Variants in LINGO2 observed in about 807,000 individuals in gnomAD.
The protein encoded by LINGO2 is leucine rich repeat and Ig domain containing 2.
LINGO2 carries 14 observed loss-of-function variants against 30.6 expected under a neutral mutation model. The observed-to-expected ratio is 0.46, with a 90% CI of 0.30 to 0.72. The LOEUF (loss-of-function observed/expected upper bound fraction) is 0.72, where lower values mean the gene tolerates loss of function less well. LINGO2 is among the 30% of genes least tolerant of loss of function. The pLI is 0.07. For synonymous variants in LINGO2, 317 were observed against 288.5 expected (o/e 1.10, Z -1.00); for missense variants, 729 against 751.7 (o/e 0.97, Z 0.35).
chr9:28,219,111 A>G (rs1364073916), intron 4 of LINGO2, among the ~76,000 whole-genome samples: 1 of 152,080 alleles, frequency 6.6e-6, no homozygotes, highest in Non-Finnish European at 1.5e-5. Context: ...GGACAACTTG[A>G]CCCTATGAAT....
chr9:28,196,265 C>G (rs1458322248), intron 4 of LINGO2, among the ~76,000 whole-genome samples: 2 of 150,944 alleles, frequency 1.3e-5, no homozygotes, highest in Non-Finnish European at 3.0e-5. Flanking sequence ...TGGTACTGGA[C>G]AAGAGAAGAA....
At chr9:28,518,840 T>C (rs1180620627) in intron 1 of LINGO2, among the ~76,000 whole-genome samples, 1 of 152,216 alleles carries the variant, frequency 6.6e-6, no homozygotes, top group African/African-American at 2.4e-5. Flanking sequence ...GTTTATCTTA[T>C]GTCAGTTTAA....
intron 1 of LINGO2, among the ~76,000 whole-genome samples, chr9:28,576,405 CGT>C (rs112573225): frequency 1.3e-5 from 2 of 151,792 alleles, no homozygotes; most frequent in African/African-American, 2.4e-5. Flanking sequence ...CCAAGGATTG[CGT>C]GTGTGTGTGT....
intron 2 of LINGO2, among the ~76,000 whole-genome samples, chr9:28,419,578 A>T (rs1026245507): frequency 6.8e-6 from 1 of 147,834 alleles, no homozygotes; most frequent in Non-Finnish European, 1.5e-5. Context: ...CTCCTATAAG[A>T]ACAAAGAAAC....
chr9:28,306,678 C>G (rs1824372610), intron 3 of LINGO2, among the ~76,000 whole-genome samples: 1 of 152,118 alleles, frequency 6.6e-6, no homozygotes, highest in African/African-American at 2.4e-5. Context: ...TGATAGACCG[C>G]TAGCAAGACT....
the LINGO2 span, among the ~76,000 whole-genome samples, chr9:28,836,212 G>A: frequency 6.6e-6 from 1 of 152,210 alleles, no homozygotes; most frequent in Non-Finnish European, 1.5e-5. Flanking sequence ...GACGGGAAAT[G>A]TTCTGCAGGA....
chr9:27,985,879 T>C (rs1821100434), intron 5 of LINGO2, among the ~76,000 whole-genome samples: 1 of 151,726 alleles, frequency 6.6e-6, no homozygotes, highest in Admixed American at 6.6e-5. Flanking sequence ...GATGGTAAAA[T>C]CAAACGGAAC....
chr9:29,014,610 A>T, the LINGO2 span, among the ~76,000 whole-genome samples: 1 of 152,198 alleles, frequency 6.6e-6, no homozygotes, highest in Non-Finnish European at 1.5e-5. Flanking sequence ...CCCAGTTAAT[A>T]TGGCCTAGAC....
intron 2 of LINGO2, among the ~76,000 whole-genome samples, chr9:28,453,741 T>C (rs761845263): frequency 1.1e-4 from 17 of 151,970 alleles, no homozygotes; most frequent in Admixed American, 1.3e-4. Context: ...CTCCTTTTGC[T>C]CAAGATCTTT....
At chr9:28,456,816 C>G (rs1824869297) in intron 2 of LINGO2, among the ~76,000 whole-genome samples, 1 of 152,150 alleles carries the variant, frequency 6.6e-6, no homozygotes, top group African/African-American at 2.4e-5. Context: ...GGAGAAAACT[C>G]TTGTGTCGTT....
At chr9:29,144,463 A>T in the LINGO2 span, among the ~76,000 whole-genome samples, 1 of 152,112 alleles carries the variant, frequency 6.6e-6, no homozygotes, top group African/African-American at 2.4e-5. Flanking sequence ...TTTTGGAAAA[A>T]AAAATATACT....
chr9:28,251,557 A>G (rs1424741800), intron 4 of LINGO2, among the ~76,000 whole-genome samples: 1 of 152,288 alleles, frequency 6.6e-6, no homozygotes. Flanking sequence ...ACAAAAGGGT[A>G]GAATTTCTTT....
At chr9:28,881,496 T>G in the LINGO2 span, among the ~76,000 whole-genome samples, 1 of 152,118 alleles carries the variant, frequency 6.6e-6, no homozygotes, top group South Asian at 2.1e-4. Flanking sequence ...CATTTTAATT[T>G]TCAAAAATAC....
chr9:28,879,988 T>C, the LINGO2 span, among the ~76,000 whole-genome samples: 1,764 of 152,354 alleles, frequency 0.012, 19 homozygotes, highest in Non-Finnish European at 0.018. Context: ...AAGAATGCCA[T>C]TGAACTTAAA....
At chr9:29,083,183 C>G in the LINGO2 span, among the ~76,000 whole-genome samples, 41 of 152,102 alleles carry the variant, frequency 2.7e-4, no homozygotes, top group Admixed American at 3.9e-4. Context: ...GGAACCAACC[C>G]AAATGTCCAT....
chr9:28,692,901 CT>C, the LINGO2 span, among the ~76,000 whole-genome samples: 1 of 151,978 alleles, frequency 6.6e-6, no homozygotes, highest in African/African-American at 2.4e-5. Flanking sequence ...CATGTTGTAT[CT>C]TTTCTACAAC....
the LINGO2 span, among the ~76,000 whole-genome samples, chr9:28,876,692 A>C: frequency 6.6e-6 from 1 of 152,120 alleles, no homozygotes; most frequent in Non-Finnish European, 1.5e-5. Context: ...GCTATTGTGA[A>C]TAGTGCCGCA....
chr9:29,175,033 AG>A, the LINGO2 span, among the ~76,000 whole-genome samples: 3 of 151,956 alleles, frequency 2.0e-5, no homozygotes, highest in Non-Finnish European at 4.4e-5. Flanking sequence ...GGCCGATGTG[AG>A]GGGACAATGA....
At chr9:28,018,191 A>G (rs140288626) in intron 4 of LINGO2, among the ~76,000 whole-genome samples, 1 of 152,086 alleles carries the variant, frequency 6.6e-6, no homozygotes, top group Admixed American at 6.6e-5. Context: ...TCCTTACACC[A>G]TATCCCAAAA....
Sources: allele counts gnomAD v4.1 joint callset (sites outside exome capture counted in the v4.1 genomes callset), GRCh38; gene constraint gnomAD v4.1.1; transcripts MANE v1.5; gene names NCBI Gene and HGNC (gene_info 2026-07-23, HGNC 2026-07-21).